RNF135: variants seen among roughly 807,000 people sequenced by gnomAD.
RNF135 encodes the protein E3 ubiquitin-protein ligase RNF135.
A neutral mutation model predicts 41.9 loss-of-function variants in RNF135; 46 were observed. The ratio of observed to expected loss-of-function variants is 1.10; its 90% CI spans 0.87 to 1.40. The LOEUF (loss-of-function observed/expected upper bound fraction) is 1.40. RNF135 is among the 40% of genes most tolerant of loss of function. RNF135 has a pLI of 0.00. For missense variants in RNF135, 539 were observed against 549.8 expected (o/e 0.98, Z 0.20); for synonymous variants, 238 against 223.8 (o/e 1.06, Z -0.57).
chr17:30,972,285 T>C (rs1270719384), intron 1 of RNF135: 1 of 151,594 alleles, frequency 6.6e-6, no homozygotes. Context: ...TTTTTTTCTT[T>C]TTTTAAAAAA....
the RNF135 span, chr17:30,959,372 C>T: frequency 6.6e-6 from 1 of 152,180 alleles, no homozygotes; most frequent in Admixed American, 6.5e-5. Flanking sequence ...TGCTTCTATA[C>T]TCTTATATTA....
At chr17:30,975,390 C>A in intron 1 of RNF135, 1 of 761,082 alleles carries the variant, frequency 1.3e-6, no homozygotes. Context: ...TAGAAGATGC[C>A]AGGCTCAGAG....
chr17:30,984,206 A>G (rs1297047512), intron 1 of RNF135, among the ~76,000 whole-genome samples: 1 of 152,196 alleles, frequency 6.6e-6, no homozygotes, highest in Non-Finnish European at 1.5e-5. Context: ...TTTTAGTGAC[A>G]TATACAATAA....
chr17:30,993,819 A>G, intron 3 of RNF135: 2 of 907,752 alleles, frequency 2.2e-6, no homozygotes, highest in Non-Finnish European at 1.7e-6. Flanking sequence ...TTAATTAATT[A>G]ATTTTTTTAT....
chr17:30,980,467 C>A (rs1288926691), intron 1 of RNF135, among the ~76,000 whole-genome samples: 1 of 138,668 alleles, frequency 7.2e-6, no homozygotes, highest in Non-Finnish European at 1.6e-5. Flanking sequence ...GAGCCCCTCA[C>A]CTCCCGGACG....
rs771576286 is a variant in RNF135, at chr17:30,998,947, A to G, written c.1055A>G (p.Lys352Arg). 1.2e-6 allele frequency: 2 copies of G among 1,613,986 alleles called. No individual in the cohort carries two copies. The highest frequency in any genetic ancestry group is 1.7e-6 in the Non-Finnish European group (2 of 1,179,918). ...ATGGACTCTTGTTGTGTGGAATGGA[A>G]GGGGACTAGCCAGCTCTCTGCATGG... is the stretch of plus-strand genomic sequence containing the variant. ...RTMDSCCVEW[K>R]GTSQLSAWHM... The change falls in exon 5 of 5, where the codon AAG becomes AGG. Residue 352 changes from lysine (K) to arginine (R), a missense_variant. By Grantham distance (26) the Lys-to-Arg change is conservative (BLOSUM62 2). This residue lies in a region of RNF135 where 262 missense variants were observed against 336.9 expected (regional missense o/e 0.78). Coordinates refer to ENST00000328381, the MANE Select transcript of RNF135 (RefSeq NM_032322.4).
chr17:30,961,228 G>A, the RNF135 span, among the ~76,000 whole-genome samples: 1 of 152,104 alleles, frequency 6.6e-6, no homozygotes, highest in African/African-American at 2.4e-5. Flanking sequence ...ACATACAACA[G>A]TCCCCAGGTA....
intron 1 of RNF135, chr17:30,978,938 C>G: frequency 4.7e-6 from 1 of 214,542 alleles, no homozygotes; most frequent in East Asian, 1.6e-4. Context: ...GGTCACAGAT[C>G]TACAGGATCC....
intron 2 of RNF135, 133 bp from the exon 3 acceptor site, chr17:30,987,811 G>T: frequency 1.3e-6 from 1 of 792,238 alleles, no homozygotes; most frequent in East Asian, 2.7e-5. Context: ...TTTTTTGAGG[G>T]CCTAATTTTG....
rs527734499 is a variant in RNF135, at chr17:30,986,446, C to T, written c.517-1498C>T. Among the ~76,000 whole-genome samples the T allele has an allele frequency of 2.7e-4, 41 of 152,294 alleles. No homozygotes were observed. The East Asian group carries it at 5.0e-3, about 19-fold the overall frequency. ...TCCTGACCTTGTGATCCACCTGCCT[C>T]GGCCTCCCAAAGTGCTGGGATTACA... On this transcript the variant is annotated intron_variant, in intron 2 of 4. Coordinates refer to ENST00000328381, the MANE Select transcript of RNF135 (RefSeq NM_032322.4).
chr17:30,966,752 G>A (rs1474505517), upstream of RNF135, among the ~76,000 whole-genome samples: 2 of 150,846 alleles, frequency 1.3e-5, no homozygotes, highest in East Asian at 1.9e-4. Context: ...TGATCCACAC[G>A]CCTCGGCCTC....
chr17:30,970,499 G>C (rs145602727), upstream of RNF135: 298 of 154,010 alleles, frequency 1.9e-3, 1 homozygote, highest in Middle Eastern at 0.01. Flanking sequence ...CAAAATACCC[G>C]TGCTCCACCC....
At chr17:30,969,766 T>TC (rs200883308), upstream of RNF135, among the ~76,000 whole-genome samples, 801 of 137,058 alleles carry the variant, frequency 5.8e-3, 19 homozygotes, top group African/African-American at 0.018. Context: ...TTTCTTTTTT[T>TC]TTTTTTTTTT....
At chr17:30,969,519 A>C (rs149078372), upstream of RNF135, among the ~76,000 whole-genome samples, 1 of 152,154 alleles carries the variant, frequency 6.6e-6, no homozygotes, top group Non-Finnish European at 1.5e-5. Context: ...TTTCATCTCC[A>C]TAATTGGGGC....
At chr17:30,979,798 C>T (rs1272308811) in intron 1 of RNF135, among the ~76,000 whole-genome samples, 7 of 123,562 alleles carry the variant, frequency 5.7e-5, no homozygotes, top group African/African-American at 1.6e-4. Flanking sequence ...GGCGGCTGGC[C>T]GGGCGGGGGG....
chr17:30,976,311 A>T (rs1161074336), intron 1 of RNF135, among the ~76,000 whole-genome samples: 1 of 151,976 alleles, frequency 6.6e-6, no homozygotes, highest in Admixed American at 6.6e-5. Context: ...GCCTATTTCA[A>T]TTTTTTTTGA....
At chr17:30,966,968 C>T (rs1905575640), upstream of RNF135, among the ~76,000 whole-genome samples, 1 of 152,108 alleles carries the variant, frequency 6.6e-6, no homozygotes, top group Admixed American at 6.6e-5. Flanking sequence ...TCTCGGCACA[C>T]ATAAAAACAT....
chr17:30,959,130 G>C, the RNF135 span: 1 of 152,314 alleles, frequency 6.6e-6, no homozygotes, highest in Non-Finnish European at 1.5e-5. Context: ...TGTGAACTCT[G>C]TTGGGTGTAC....
At chr17:30,977,958 G>C (rs1906615126) in intron 1 of RNF135, among the ~76,000 whole-genome samples, 1 of 152,084 alleles carries the variant, frequency 6.6e-6, no homozygotes, top group South Asian at 2.1e-4. Flanking sequence ...TGTTTGTCTG[G>C]GAGAGTCTAT....
Sources: gnomAD v4.1 joint callset for allele counts (sites outside exome capture counted in the v4.1 genomes callset) on GRCh38, gnomAD v4.1.1 for gene constraint, gnomAD v4.1.1 regional missense constraint, MANE v1.5 for transcripts, NCBI Gene and HGNC (gene_info 2026-07-23, HGNC 2026-07-21) for gene names.